SLC12A6: variants seen among roughly 807,000 people sequenced by gnomAD.
SLC12A6 encodes the protein K-Cl cotransporter 3.
In SLC12A6, 66 loss-of-function variants were observed where a neutral mutation model predicts 135.3. The observed-to-expected ratio is 0.49, with a 90% CI of 0.40 to 0.60. The LOEUF is 0.60. SLC12A6 is among the 20% of genes least tolerant of loss of function. The probability of loss-of-function intolerance (pLI) is 0.00; values close to 1 mark genes in which losing one functional copy is unlikely to be tolerated. For missense variants in SLC12A6, 1,058 were observed against 1,452.3 expected, an observed-to-expected ratio of 0.73 and a Z score of 4.41; for synonymous variants, 513 against 508.8, an observed-to-expected ratio of 1.01 and a Z score of -0.11.
At chr15:34,242,509 T>G (rs1891710824) in intron 16 of SLC12A6, among the ~76,000 whole-genome samples, 1 of 152,174 alleles carries the variant, frequency 6.6e-6, no homozygotes, top group Non-Finnish European at 1.5e-5. Context: ...AACCCCAAAC[T>G]GTCCTTTGCA....
intron 2 of SLC12A6, chr15:34,318,627 C>A (rs904686575): frequency 6.2e-7 from 1 of 1,613,492 alleles, no homozygotes; most frequent in Non-Finnish European, 8.5e-7. Flanking sequence ...GAGATCGAAG[C>A]CGCTGCCCCC....
chr15:34,268,984 G>A (rs1893720057), intron 3 of SLC12A6, among the ~76,000 whole-genome samples: 2 of 151,808 alleles, frequency 1.3e-5, no homozygotes, highest in African/African-American at 4.8e-5. Flanking sequence ...AGCCTCCCGA[G>A]TAGCTGGAAT....
chr15:34,252,101 A>C, intron 10 of SLC12A6, 69 bp downstream of exon 10: 1 of 769,904 alleles, frequency 1.3e-6, no homozygotes, highest in Non-Finnish European at 2.3e-6. Context: ...CAGTAGAGGA[A>C]TCTAAGATGA....
Position 34,235,172 on chromosome 15 carries a change from A to T in SLC12A6, c.3361+9T>A, listed in dbSNP as rs1369135852. 6.2e-7 allele frequency: 1 copy of T among 1,613,584 alleles called. No individual in the cohort carries two copies. ...TCCCTACTGGAAGCCCCACTCTTGG[A>T]AAGGATACAGTTTTCATCACCCTCA... is the stretch of plus-strand genomic sequence containing the variant. On this transcript the variant is annotated intron_variant, in intron 25 of 25. Transcript: ENST00000354181.
In SLC12A6 at chr15:34,250,417, A is replaced by G. The variant is rs558491817; in HGVS notation, c.1592-62T>C. 1.2e-4 allele frequency: 127 copies of G among 1,029,578 alleles called. No individual in the cohort carries two copies. In the East Asian group the frequency reaches 2.7e-3, roughly 22 times the overall value. The allele number at this position is 1,029,578 out of a possible 1,614,324, so 63.8% of individuals were successfully genotyped here. ...CTCTAACATGAGATAGAAAGTAGAC[A>G]CTCAGTAGACACTTTCTTCTGTCAG... is the stretch of plus-strand genomic sequence containing the variant. On this transcript the variant is annotated intron_variant, in intron 12 of 25. Coordinates refer to ENST00000354181, the MANE Select transcript of SLC12A6 (RefSeq NM_001365088.1).
At chr15:34,284,290 T>C (rs922863759) in intron 2 of SLC12A6, among the ~76,000 whole-genome samples, 1 of 143,044 alleles carries the variant, frequency 7.0e-6, no homozygotes, top group African/African-American at 2.6e-5. Flanking sequence ...TTTTTTTTTT[T>C]TTTTTTTTTT....
intron 2 of SLC12A6, among the ~76,000 whole-genome samples, chr15:34,309,767 G>A (rs776471506): frequency 2.6e-5 from 4 of 152,090 alleles, no homozygotes; most frequent in Non-Finnish European, 5.9e-5. Flanking sequence ...AAGGAGGCAG[G>A]AAAACATGCC....
intron 13 of SLC12A6, among the ~76,000 whole-genome samples, chr15:34,246,711 A>T (rs1216690518): frequency 6.6e-6 from 1 of 151,746 alleles, no homozygotes; most frequent in Non-Finnish European, 1.5e-5. Flanking sequence ...CAGTGACGCT[A>T]TCTCAGCTCA....
chr15:34,318,431 G>T (rs1279249572), intron 2 of SLC12A6: 1 of 787,928 alleles, frequency 1.3e-6, no homozygotes, highest in East Asian at 2.5e-5. Context: ...AGTGAAATAA[G>T]TAACTGAAAA....
chr15:34,332,511 G>A (rs931354564), intron 2 of SLC12A6, among the ~76,000 whole-genome samples: 6 of 152,304 alleles, frequency 3.9e-5, no homozygotes, highest in South Asian at 4.1e-4. Flanking sequence ...CAGGCAGGGT[G>A]TATGGTTCAC....
intron 3 of SLC12A6, among the ~76,000 whole-genome samples, chr15:34,274,310 C>A (rs1894152866): frequency 6.6e-6 from 1 of 152,034 alleles, no homozygotes; most frequent in African/African-American, 2.4e-5. Flanking sequence ...AAAAGATAGT[C>A]ATATATAATA....
intron 22 of SLC12A6, 172 bp from the exon 23 acceptor site, chr15:34,236,987 T>C (rs973622222): frequency 4.7e-6 from 3 of 638,960 alleles, no homozygotes; most frequent in Middle Eastern, 8.0e-4. Context: ...TTTGTGACTG[T>C]AGATAAAATT....
chr15:34,284,421 C>T (rs910497733), intron 2 of SLC12A6, among the ~76,000 whole-genome samples: 1 of 151,660 alleles, frequency 6.6e-6, no homozygotes, highest in Non-Finnish European at 1.5e-5. Context: ...TACAGGCACC[C>T]GCCCACCACG....
At chr15:34,261,947 G>T (rs1212335265) in intron 3 of SLC12A6, among the ~76,000 whole-genome samples, 1 of 152,190 alleles carries the variant, frequency 6.6e-6, no homozygotes, top group East Asian at 1.9e-4. Context: ...GCAATTTGGA[G>T]ATTCCTCAGA....
chr15:34,309,006 G>C (rs999463018), intron 2 of SLC12A6, among the ~76,000 whole-genome samples: 3 of 151,958 alleles, frequency 2.0e-5, no homozygotes, highest in Non-Finnish European at 4.4e-5. Flanking sequence ...CTAATTTTTT[G>C]GCACCTCACT....
intron 2 of SLC12A6, among the ~76,000 whole-genome samples, chr15:34,309,906 G>C (rs1365887538): frequency 1.3e-5 from 2 of 151,984 alleles, no homozygotes; most frequent in East Asian, 3.9e-4. Flanking sequence ...AAAATAAAAG[G>C]CTTTTCAATC....
intron 3 of SLC12A6, among the ~76,000 whole-genome samples, chr15:34,262,926 G>C (rs1197970636): frequency 2.6e-5 from 4 of 152,208 alleles, no homozygotes; most frequent in African/African-American, 4.8e-5. Context: ...CATCTCTTCT[G>C]GTGAGCTCGG....
chr15:34,275,266 G>C, intron 3 of SLC12A6, 79 bp downstream of exon 3: 1 of 759,282 alleles, frequency 1.3e-6, no homozygotes, highest in Non-Finnish European at 2.4e-6. Context: ...AATAGAATCA[G>C]AGAAGGGAGT....
chr15:34,323,861 A>T (rs908766747), intron 2 of SLC12A6, among the ~76,000 whole-genome samples: 1 of 150,636 alleles, frequency 6.6e-6, no homozygotes, highest in African/African-American at 2.5e-5. Flanking sequence ...GGATTGCTTG[A>T]GCCTGGGAGG....
Sources: gnomAD v4.1 joint callset for allele counts (sites outside exome capture counted in the v4.1 genomes callset) on GRCh38, gnomAD v4.1.1 for gene constraint, MANE v1.5 for transcripts, NCBI Gene and HGNC (gene_info 2026-07-23, HGNC 2026-07-21) for gene names.